The following CSMD3 variants were observed in gnomAD, a reference collection of about 807,000 sequenced individuals.
The protein encoded by CSMD3 is CUB and Sushi multiple domains 3, also known as CUB and sushi domain-containing protein 3.
Under a neutral mutation model 435.2 loss-of-function variants are expected in CSMD3, and 177 were observed. That is an observed-to-expected ratio of 0.41 (90% CI 0.36 to 0.46). The LOEUF is 0.46. CSMD3 is among the 20% of genes least tolerant of loss of function. The pLI is 0.34. For missense variants in CSMD3, 4,265 were observed against 4,504.6 expected (o/e 0.95, Z 1.52); for synonymous variants, 1,656 against 1,520.5 (o/e 1.09, Z -2.07).
chr8:112,313,341 T>G (rs1822157927), intron 49 of CSMD3, among the ~76,000 whole-genome samples: 1 of 152,164 alleles, frequency 6.6e-6, no homozygotes. Context: ...TGTTACTCTC[T>G]CTTTCGACAT....
chr8:112,818,513 G>A (rs2079441278), intron 12 of CSMD3, among the ~76,000 whole-genome samples: 1 of 152,162 alleles, frequency 6.6e-6, no homozygotes, highest in African/African-American at 2.4e-5. Context: ...AGAGATTGCT[G>A]AATAAAATGT....
intron 27 of CSMD3, among the ~76,000 whole-genome samples, chr8:112,526,910 T>C (rs1825030561): frequency 6.6e-6 from 1 of 151,956 alleles, no homozygotes; most frequent in African/African-American, 2.4e-5. Context: ...GTTTGTCTAT[T>C]TGACATAATG....
At chr8:112,876,124 A>T (rs2081275202) in intron 10 of CSMD3, among the ~76,000 whole-genome samples, 1 of 152,126 alleles carries the variant, frequency 6.6e-6, no homozygotes, top group Non-Finnish European at 1.5e-5. Flanking sequence ...CTTAAAATAA[A>T]CCAAGAAGAA....
At chr8:112,986,453 C>A (rs1423267822) in intron 6 of CSMD3, among the ~76,000 whole-genome samples, 1 of 151,868 alleles carries the variant, frequency 6.6e-6, no homozygotes, top group Non-Finnish European at 1.5e-5. Context: ...GACATCTAGG[C>A]AAAACTCATG....
At chr8:112,520,648 AAAG>A (rs1353003206) in intron 27 of CSMD3, among the ~76,000 whole-genome samples, 4 of 152,070 alleles carry the variant, frequency 2.6e-5, no homozygotes, top group Admixed American at 6.6e-5. Flanking sequence ...GGAAAGCAGA[AAAG>A]AAAGAGGCAA....
Position 112,543,928 on chromosome 8 carries a change from C to T in CSMD3, c.4564+6743G>A, listed in dbSNP as rs150547498. ...ATTCTGCAATAGTCAGCAACATGAG[C>T]GAACCTTGAGGACACTATGCTAAAT... On this transcript the variant is annotated intron_variant, in intron 27 of 70. Coordinates refer to ENST00000297405, the MANE Select transcript of CSMD3 (RefSeq NM_198123.2). 5.5e-3 allele frequency among the ~76,000 whole-genome samples: 830 copies of T among 152,144 alleles called. 3 individuals carry two copies. Among genetic ancestry groups the T allele is most frequent in the Non-Finnish European group, 8.4e-3 (570 of 67,980 alleles).
At chr8:112,753,754 C>A in intron 13 of CSMD3, among the ~76,000 whole-genome samples, 1 of 152,172 alleles carries the variant, frequency 6.6e-6, no homozygotes, top group East Asian at 1.9e-4. Flanking sequence ...ACATTGTCAA[C>A]TTTATGTAGT....
chr8:112,634,398 G>A (rs2074599616), intron 22 of CSMD3, among the ~76,000 whole-genome samples: 1 of 151,922 alleles, frequency 6.6e-6, no homozygotes. Context: ...CTTTTTAAAG[G>A]AATATTTCTC....
rs754860782 is a variant in CSMD3 at position 112,975,946 on chromosome 8, G to T, written c.1233C>A (p.Ser411=). 2.5e-6 allele frequency: 4 copies of T among 1,614,024 alleles called. No homozygotes were observed. The South Asian group carries it at 3.3e-5, about 13-fold the overall frequency. ...LRNSGLDPNT[S]KDGLSPHPAD... The stretch of plus-strand genomic sequence containing the variant: ...CTGGATGAGGAGAGAGCCCGTCCTT[G>T]GACGTGTTGGGGTCCAGACCTGAAT... Residue 411 remains serine (S), a synonymous_variant, in exon 7 of 71, where the codon TCC becomes TCA. Transcript: ENST00000297405.
intron 61 of CSMD3, among the ~76,000 whole-genome samples, chr8:112,259,766 C>G (rs893144796): frequency 6.6e-6 from 1 of 152,022 alleles, no homozygotes; most frequent in Non-Finnish European, 1.5e-5. Flanking sequence ...AATATCAAAC[C>G]CAAAAGCCAG....
At chr8:112,990,959 T>G (rs1453796104) in intron 6 of CSMD3, among the ~76,000 whole-genome samples, 1 of 151,814 alleles carries the variant, frequency 6.6e-6, no homozygotes, top group East Asian at 1.9e-4. Flanking sequence ...ATCCTGAAAT[T>G]AAAAAGTAAA....
At position 112,420,037 on chromosome 8, in the gene CSMD3, ATT is replaced by A. The variant is rs546400449; in HGVS notation, c.5396-11007_5396-11006del. Among the ~76,000 whole-genome samples the A allele has an allele frequency of 4.6e-5, 7 of 151,548 alleles. No homozygotes were observed. In the East Asian group the frequency reaches 1.4e-3, roughly 29 times the overall value. ...GTGCTTTTATTTAATCACCTTTCATATTTTTTTTTACACATTTTGTAGAACAT... is the reference window on the plus strand; with the variant it reads ...GTGCTTTTATTTAATCACCTTTCATATTTTTTTACACATTTTGTAGAACAT... On this transcript the variant is annotated intron_variant, in intron 32 of 70. Coordinates refer to ENST00000297405, the MANE Select transcript of CSMD3 (RefSeq NM_198123.2).
intron 45 of CSMD3, among the ~76,000 whole-genome samples, chr8:112,330,545 A>G (rs1410797969): frequency 6.6e-6 from 1 of 152,090 alleles, no homozygotes; most frequent in African/African-American, 2.4e-5. Flanking sequence ...GCCAGATCTC[A>G]ATAAAATTTT....
intron 20 of CSMD3, 68 bp from the exon 21 acceptor site, chr8:112,638,979 CT>C: frequency 9.2e-7 from 1 of 1,082,236 alleles, no homozygotes; most frequent in Non-Finnish European, 1.4e-6. Flanking sequence ...TACTGTCAAA[CT>C]AACTATTAGC....
In CSMD3 at chr8:113,021,480, T is replaced by G. The variant is rs571963737; in HGVS notation, c.918-2301A>C. The stretch of plus-strand genomic sequence containing the variant: ...AAAGTTTAAATTATTTTTGACAGGC[T>G]GCACACATTTCCAGATGTAATGAGA... On this transcript the variant is annotated intron_variant, in intron 5 of 70. Transcript: ENST00000297405. Among the ~76,000 whole-genome samples the G allele has an allele frequency of 6.6e-5, 10 of 152,312 alleles. No individual in the cohort carries two copies. The East Asian group carries it at 1.9e-3, about 29-fold the overall frequency.
chr8:113,392,586 C>G (rs2094465578), intron 1 of CSMD3, among the ~76,000 whole-genome samples: 1 of 152,014 alleles, frequency 6.6e-6, no homozygotes, highest in South Asian at 2.1e-4. Context: ...GAAGATTTGG[C>G]TCTGAATTCC....
chr8:113,410,901 GAAA>G (rs2094555741), intron 1 of CSMD3, among the ~76,000 whole-genome samples: 1 of 5,864 alleles, frequency 1.7e-4, no homozygotes. Context: ...AAAACCCTGT[GAAA>G]GAAAGAAAGA....
chr8:112,244,768 C>A (rs951860109), intron 64 of CSMD3, among the ~76,000 whole-genome samples, 195 bp from the exon 65 acceptor site: 3 of 151,936 alleles, frequency 2.0e-5, no homozygotes, highest in African/African-American at 4.8e-5. Flanking sequence ...ATTTCCTAAT[C>A]CACCATTTGT....
intron 22 of CSMD3, among the ~76,000 whole-genome samples, chr8:112,636,292 A>C (rs1049534913): frequency 6.6e-6 from 1 of 152,100 alleles, no homozygotes; most frequent in African/African-American, 2.4e-5. Context: ...TATTGAGCCA[A>C]TAAGTTCATT....
Sources: gnomAD v4.1 joint callset for allele counts (sites outside exome capture counted in the v4.1 genomes callset) on GRCh38, gnomAD v4.1.1 for gene constraint, MANE v1.5 for transcripts, NCBI Gene and HGNC (gene_info 2026-07-23, HGNC 2026-07-21) for gene names.